Variants in NKAIN2 observed in about 807,000 individuals in gnomAD.
NKAIN2 encodes sodium/potassium-transporting ATPase subunit beta-1-interacting protein 2.
A neutral mutation model predicts 32.6 loss-of-function variants in NKAIN2; 14 were observed. The observed-to-expected ratio is 0.43, with a 90% CI of 0.28 to 0.67. The LOEUF (loss-of-function observed/expected upper bound fraction) is 0.67. Among genes scored for constraint, NKAIN2 ranks in the 30% least tolerant of loss-of-function variants. NKAIN2 has a pLI of 0.17. For missense variants in NKAIN2, 198 were observed against 258.3 expected (o/e 0.77, Z 1.60); for synonymous variants, 80 against 87.2 (o/e 0.92, Z 0.46).
At chr6:124,564,254 T>TGCA (rs1441105727) in intron 3 of NKAIN2, among the ~76,000 whole-genome samples, 1 of 149,554 alleles carries the variant, frequency 6.7e-6, no homozygotes, top group Non-Finnish European at 1.5e-5. Context: ...TCTGTAAAAA[T>TGCA]GCAGCAATCA....
intron 1 of NKAIN2, among the ~76,000 whole-genome samples, chr6:124,121,164 C>T (rs888149784): frequency 2.0e-5 from 3 of 152,046 alleles, no homozygotes; most frequent in Non-Finnish European, 2.9e-5. Context: ...GTAATCACTC[C>T]TCACCTTGCC....
At chr6:124,294,842 A>G (rs1035474343) in intron 2 of NKAIN2, among the ~76,000 whole-genome samples, 1 of 152,064 alleles carries the variant, frequency 6.6e-6, no homozygotes, top group African/African-American at 2.4e-5. Flanking sequence ...CCACAGCTAA[A>G]CTTCTGTTTG....
At chr6:124,093,756 C>G (rs1784527226) in intron 1 of NKAIN2, among the ~76,000 whole-genome samples, 1 of 152,078 alleles carries the variant, frequency 6.6e-6, no homozygotes, top group Admixed American at 6.6e-5. Context: ...ACTTACAAAA[C>G]TATCTAAGGG....
chr6:124,320,560 C>G (rs932592098), intron 2 of NKAIN2, among the ~76,000 whole-genome samples: 12 of 152,142 alleles, frequency 7.9e-5, no homozygotes, highest in African/African-American at 2.7e-4. Flanking sequence ...CCTTGTCCAT[C>G]TCTTACAATA....
intron 3 of NKAIN2, among the ~76,000 whole-genome samples, chr6:124,615,897 A>C (rs1782869218): frequency 6.6e-6 from 1 of 151,804 alleles, no homozygotes; most frequent in African/African-American, 2.4e-5. Context: ...TTTTTTTTGG[A>C]TATTACGGTT....
intron 4 of NKAIN2, among the ~76,000 whole-genome samples, chr6:124,774,186 T>G (rs1778885182): frequency 6.6e-6 from 1 of 152,156 alleles, no homozygotes; most frequent in African/African-American, 2.4e-5. Flanking sequence ...GGAGACGAGT[T>G]AGGAGGCTAT....
intron 4 of NKAIN2, among the ~76,000 whole-genome samples, chr6:124,700,329 T>C (rs557155332): frequency 6.6e-6 from 1 of 152,280 alleles, no homozygotes; most frequent in East Asian, 1.9e-4. Context: ...CCCTCTGAAT[T>C]GATTAGTATT....
Position 124,504,547 on chromosome 6 carries a change from A to G in NKAIN2, c.273+149200A>G, listed in dbSNP as rs544276319. Among the ~76,000 whole-genome samples, 12 of 152,328 alleles carry G rather than the reference A, an allele frequency of 7.9e-5. No homozygotes were observed. In the South Asian group the frequency reaches 2.5e-3, roughly 32 times the overall value. The stretch of plus-strand genomic sequence containing the variant: ...TACTCACATTTTATTGTTTCTCAAC[A>G]CTGAATTCTAAATTCTAAAACAAGA... On this transcript the variant is annotated intron_variant, in intron 3 of 6. Coordinates refer to ENST00000368417, the MANE Select transcript of NKAIN2 (RefSeq NM_001040214.3).
At chr6:124,028,570 A>G (rs1183812799) in intron 1 of NKAIN2, among the ~76,000 whole-genome samples, 1 of 151,706 alleles carries the variant, frequency 6.6e-6, no homozygotes, top group African/African-American at 2.4e-5. Flanking sequence ...GAAATGGACT[A>G]TGGGATCACA....
chr6:124,266,234 T>G (rs1323552044), intron 1 of NKAIN2, among the ~76,000 whole-genome samples: 1 of 152,180 alleles, frequency 6.6e-6, no homozygotes. Flanking sequence ...GGAGTATAAT[T>G]TATCTGTTAG....
rs561883976 is a variant in NKAIN2 at position 124,080,381 on chromosome 6, TAC to T, written c.55-202622_55-202621del. ...TCTATCAGTCTCAATATACGTGAGT[TAC>T]AGTTTTCATTGTTTTCTTACTTAAA... On this transcript the variant is annotated intron_variant, in intron 1 of 6. Transcript: ENST00000368417. Among the ~76,000 whole-genome samples, 39 of 152,292 alleles carry T rather than the reference TAC, an allele frequency of 2.6e-4. No individual in the cohort carries two copies. The South Asian group carries it at 6.8e-3, about 27-fold the overall frequency.
chr6:124,566,426 G>A (rs1442624166), intron 3 of NKAIN2, among the ~76,000 whole-genome samples: 2 of 152,138 alleles, frequency 1.3e-5, no homozygotes, highest in Non-Finnish European at 2.9e-5. Context: ...TGAGTGGCAG[G>A]TAGCAGGGGC....
At chr6:124,508,084 C>A (rs1778558194) in intron 3 of NKAIN2, among the ~76,000 whole-genome samples, 1 of 99,580 alleles carries the variant, frequency 1.0e-5, no homozygotes. Context: ...GAGACCCCAT[C>A]TGTACCAAAA....
At chr6:124,777,546 A>G (rs989459131) in intron 4 of NKAIN2, among the ~76,000 whole-genome samples, 1 of 152,218 alleles carries the variant, frequency 6.6e-6, no homozygotes, top group African/African-American at 2.4e-5. Flanking sequence ...TGAATACTAT[A>G]CTAATGCTAA....
chr6:124,814,889 TAATTA>T (rs1170200958), intron 5 of NKAIN2, among the ~76,000 whole-genome samples: 2 of 152,128 alleles, frequency 1.3e-5, no homozygotes, highest in Non-Finnish European at 2.9e-5. Flanking sequence ...GTAATCAAGT[TAATTA>T]AATATTTCAA....
chr6:124,310,012 A>C lies in NKAIN2; in HGVS notation c.192+26870A>C, dbSNP rs567623539. On this transcript the variant is annotated intron_variant, in intron 2 of 6. Coordinates refer to ENST00000368417, the MANE Select transcript of NKAIN2 (RefSeq NM_001040214.3). ...TTCAGCTTATTTCCATACATAGGTC[A>C]GACTTGAAATACCTGTGTTTCACAG... 4.6e-5 allele frequency among the ~76,000 whole-genome samples: 7 copies of C among 152,318 alleles called. No individual in the cohort carries two copies. In the South Asian group the frequency reaches 1.4e-3, roughly 32 times the overall value.
intron 3 of NKAIN2, among the ~76,000 whole-genome samples, chr6:124,383,658 C>T (rs1314128075): frequency 1.3e-5 from 2 of 152,176 alleles, no homozygotes; most frequent in African/African-American, 4.8e-5. Context: ...GCTCCAATGC[C>T]AATCTCAAGG....
intron 1 of NKAIN2, among the ~76,000 whole-genome samples, chr6:124,008,970 G>A (rs1394665096): frequency 6.6e-6 from 1 of 152,188 alleles, no homozygotes; most frequent in Non-Finnish European, 1.5e-5. Flanking sequence ...AACCTCTCAT[G>A]AGATTTGGGC....
At chr6:124,272,732 C>A (rs903150190) in intron 1 of NKAIN2, among the ~76,000 whole-genome samples, 1 of 152,168 alleles carries the variant, frequency 6.6e-6, no homozygotes, top group South Asian at 2.1e-4. Flanking sequence ...GCGCTCAATG[C>A]CAGCTTGTGA....
Sources: allele counts gnomAD v4.1 joint callset (sites outside exome capture counted in the v4.1 genomes callset), GRCh38; gene constraint gnomAD v4.1.1; transcripts MANE v1.5; gene names NCBI Gene and HGNC (gene_info 2026-07-23, HGNC 2026-07-21).